Variants in PARD3B observed in about 807,000 individuals in gnomAD.
The protein encoded by PARD3B is par-3 family cell polarity regulator beta.
Under a neutral mutation model 130.2 loss-of-function variants are expected in PARD3B, and 103 were observed. The observed-to-expected ratio is 0.79, with a 90% CI of 0.67 to 0.93. PARD3B has a LOEUF of 0.93. Among genes scored for constraint, PARD3B ranks in the 40% least tolerant of loss-of-function variants. The pLI, the probability that PARD3B is intolerant of heterozygous loss-of-function variation, is 0.00. For synonymous variants in PARD3B, 583 were observed against 553.2 expected (o/e 1.05, Z -0.76); for missense variants, 1,609 against 1,499.2 (o/e 1.07, Z -1.21).
rs146549778 is a variant in PARD3B at position 204,906,474 on chromosome 2, A to G, written c.223-58678A>G. 7.9e-5 allele frequency among the ~76,000 whole-genome samples: 12 copies of G among 152,330 alleles called. No individual in the cohort carries two copies. The highest frequency in any genetic ancestry group is 2.6e-4 in the African/African-American group (11 of 41,570). On this transcript the variant is annotated intron_variant, in intron 2 of 22. Transcript: ENST00000406610. The surrounding 1 kb of genome is among the most constrained non-coding windows in gnomAD (Gnocchi z 4.3). ...AGAATTCTCCTCCCGTGCCAGTTAT[A>G]TATATGGGCAGTAGACCTTATTATT...
At chr2:205,109,902 C>T (rs1317451774) in intron 5 of PARD3B, among the ~76,000 whole-genome samples, 1 of 152,036 alleles carries the variant, frequency 6.6e-6, no homozygotes, top group African/African-American at 2.4e-5. Context: ...GATCTGCCCG[C>T]CTTGGCCTCC....
intron 18 of PARD3B, among the ~76,000 whole-genome samples, chr2:205,370,953 C>G (rs2044792182): frequency 6.6e-6 from 1 of 152,112 alleles, no homozygotes; most frequent in East Asian, 1.9e-4. Flanking sequence ...ATTTCATTCA[C>G]AAGTAACTCC....
Position 205,244,471 on chromosome 2 carries a change from C to T in PARD3B, c.2141-1307C>T, listed in dbSNP as rs549408797. On this transcript the variant is annotated intron_variant, in intron 15 of 22. Transcript: ENST00000406610. This position sits in a 1 kb window ranked among gnomAD's most constrained non-coding sequence, Gnocchi z 4.7. ...TGTGTTCATGAAGGATGTGGGTTAGCAGTTTTCATATCATGTATTTTTCTG... is the reference window on the plus strand; with the variant it reads ...TGTGTTCATGAAGGATGTGGGTTAGTAGTTTTCATATCATGTATTTTTCTG... Among the ~76,000 whole-genome samples, 8 of 152,278 alleles carry T rather than the reference C, an allele frequency of 5.3e-5. No homozygotes were observed. The South Asian group carries it at 1.2e-3, about 24-fold the overall frequency.
intron 10 of PARD3B, among the ~76,000 whole-genome samples, chr2:205,150,376 G>C (rs1305493842): frequency 6.6e-6 from 1 of 151,982 alleles, no homozygotes; most frequent in African/African-American, 2.4e-5. Context: ...CTGGCATTTA[G>C]GGCACTTGGT....
At chr2:204,927,656 T>A (rs946418872) in intron 2 of PARD3B, among the ~76,000 whole-genome samples, 1 of 152,146 alleles carries the variant, frequency 6.6e-6, no homozygotes, top group African/African-American at 2.4e-5. Context: ...AGGAATCCAT[T>A]CTATTAGAGA....
intron 2 of PARD3B, among the ~76,000 whole-genome samples, chr2:204,757,459 G>A (rs181780068): frequency 2.8e-4 from 43 of 152,210 alleles, no homozygotes; most frequent in Admixed American, 2.6e-3. Flanking sequence ...TCTGACTAGC[G>A]TGAGATGGTA....
In PARD3B at chr2:205,525,554, A is replaced by C. The variant is rs370196302; in HGVS notation, c.3180+25523A>C. Among the ~76,000 whole-genome samples the C allele has an allele frequency of 6.6e-6, 1 of 152,216 alleles. No homozygotes were observed. Among genetic ancestry groups the C allele is most frequent in the Non-Finnish European group, 1.5e-5 (1 of 68,028 alleles). On this transcript the variant is annotated intron_variant, in intron 21 of 22. Transcript: ENST00000406610. The surrounding 1 kb of genome is among the most constrained non-coding windows in gnomAD (Gnocchi z 4.2). ...AAAAAACAAAGTTCCTGCTATAAAC[A>C]TAGGGGTATTGGTTGCATGACTTTA... is the stretch of plus-strand genomic sequence containing the variant.
chr2:205,285,005 T>G lies in PARD3B; in HGVS notation c.2186-15525T>G, dbSNP rs762158241. 1.2e-3 allele frequency among the ~76,000 whole-genome samples: 181 copies of G among 151,772 alleles called. 4 individuals carry two copies. The highest frequency in any genetic ancestry group is 1.3e-3 in the South Asian group (6 of 4,792). On this transcript the variant is annotated intron_variant, in intron 16 of 22. Transcript: ENST00000406610. ...TAAGCACAAAACAGTTTTTTTTTTT[T>G]TTTGTGGGAGTATTAGCAGTGAACC...
rs909586533 is a variant in PARD3B at position 205,268,520 on chromosome 2, G to C, written c.2185+22698G>C. Among the ~76,000 whole-genome samples, 3 of 152,090 alleles carry C rather than the reference G, an allele frequency of 2.0e-5. No individual in the cohort carries two copies. The highest frequency in any genetic ancestry group is 2.0e-4 in the Admixed American group (3 of 15,250). The stretch of plus-strand genomic sequence containing the variant: ...GTTAAAAGTCCACTGGAAAATAAGA[G>C]AAAGAAAATTGAGTTTCAAGGACGT... On this transcript the variant is annotated intron_variant, in intron 16 of 22. Transcript: ENST00000406610. The surrounding 1 kb of genome is among the most constrained non-coding windows in gnomAD (Gnocchi z 4.1).
intron 3 of PARD3B, among the ~76,000 whole-genome samples, chr2:205,045,815 A>G (rs1357485307): frequency 6.6e-6 from 1 of 152,042 alleles, no homozygotes; most frequent in Non-Finnish European, 1.5e-5. Flanking sequence ...ACATATATAA[A>G]CATATATATA....
intron 18 of PARD3B, among the ~76,000 whole-genome samples, chr2:205,334,708 G>A (rs1010541105): frequency 1.3e-5 from 2 of 152,158 alleles, no homozygotes; most frequent in Non-Finnish European, 2.9e-5. Flanking sequence ...TTCCTCTGAT[G>A]AGTTTTAGTT....
chr2:205,457,405 CT>C (rs797022677), intron 20 of PARD3B, among the ~76,000 whole-genome samples: 6 of 151,920 alleles, frequency 3.9e-5, no homozygotes, highest in African/African-American at 1.4e-4. Context: ...TTTTGTCAAT[CT>C]TGTAGATTTT....
intron 1 of PARD3B, among the ~76,000 whole-genome samples, chr2:204,682,659 CT>C (rs1485286426): frequency 1.3e-5 from 2 of 152,186 alleles, no homozygotes; most frequent in African/African-American, 4.8e-5. Flanking sequence ...CAAAAATCGG[CT>C]TTTCCTTTGC....
At position 205,318,371 on chromosome 2, in the gene PARD3B, C is replaced by G. The variant is rs150565577; in HGVS notation, c.2630+16670C>G. On this transcript the variant is annotated intron_variant, in intron 18 of 22. Transcript: ENST00000406610. ...TTGACCCAGAAACACTATACCAGAC[C>G]AGGATGTCATTGTCCCCTCCCTAGC... Among the ~76,000 whole-genome samples the G allele has an allele frequency of 5.0e-3, 768 of 152,184 alleles. 8 individuals carry two copies. The highest frequency in any genetic ancestry group is 0.017 in the Middle Eastern group (5 of 294).
intron 15 of PARD3B, among the ~76,000 whole-genome samples, chr2:205,219,137 C>G (rs1313843443): frequency 1.3e-5 from 2 of 151,756 alleles, no homozygotes; most frequent in African/African-American, 4.8e-5. Flanking sequence ...TAGCCACTGT[C>G]TGTTTGTCCA....
At chr2:204,591,412 C>T (rs768889998) in intron 1 of PARD3B, among the ~76,000 whole-genome samples, 6 of 152,178 alleles carry the variant, frequency 3.9e-5, no homozygotes, top group Non-Finnish European at 8.8e-5. Flanking sequence ...CGAAAGAATA[C>T]CAGCTTTTTT....
chr2:205,379,221 G>A (rs2045207960), intron 18 of PARD3B, among the ~76,000 whole-genome samples: 1 of 152,136 alleles, frequency 6.6e-6, no homozygotes, highest in South Asian at 2.1e-4. Flanking sequence ...AACTGCCTCT[G>A]GTTTTGCTTC....
intron 21 of PARD3B, among the ~76,000 whole-genome samples, chr2:205,528,463 A>G (rs2051433377): frequency 6.6e-6 from 1 of 151,874 alleles, no homozygotes; most frequent in African/African-American, 2.4e-5. Context: ...TCTCATCTCC[A>G]GCCTCTTCTC....
chr2:205,418,873 G>T (rs929033744), intron 19 of PARD3B, among the ~76,000 whole-genome samples: 2 of 152,052 alleles, frequency 1.3e-5, no homozygotes, highest in African/African-American at 4.8e-5. Flanking sequence ...TAGCAGTTGA[G>T]ACAGGCAGAT....
Sources: gnomAD v4.1 joint callset for allele counts (sites outside exome capture counted in the v4.1 genomes callset) on GRCh38, gnomAD v4.1.1 for gene constraint, Gnocchi (gnomAD v3.1) non-coding constraint, MANE v1.5 for transcripts, NCBI Gene and HGNC (gene_info 2026-07-23, HGNC 2026-07-21) for gene names.